The following TENM4 variants were observed in gnomAD, a reference collection of about 807,000 sequenced individuals.
TENM4 encodes teneurin-4.
A neutral mutation model predicts 243.3 loss-of-function variants in TENM4; 82 were observed. That is an observed-to-expected ratio of 0.34 (90% confidence interval 0.28 to 0.40). TENM4 has a LOEUF of 0.40. Among genes scored for constraint, TENM4 ranks in the 10% least tolerant of loss-of-function variants. The probability of loss-of-function intolerance (pLI) is 1.00; values close to 1 mark genes in which losing one functional copy is unlikely to be tolerated. For synonymous variants in TENM4, 1,412 were observed against 1,456.3 expected (o/e 0.97, Z 0.69); for missense variants, 3,138 against 3,673.3 (o/e 0.85, Z 3.77).
At chr11:79,327,143 G>T (rs1396519449) in intron 1 of TENM4, among the ~76,000 whole-genome samples, 1 of 152,192 alleles carries the variant, frequency 6.6e-6, no homozygotes, top group Non-Finnish European at 1.5e-5. Flanking sequence ...GTAAAGTGAG[G>T]TTATATAAGT....
chr11:79,207,604 C>T (rs1292381475), intron 3 of TENM4, among the ~76,000 whole-genome samples: 1 of 152,036 alleles, frequency 6.6e-6, no homozygotes, highest in Non-Finnish European at 1.5e-5. Flanking sequence ...GTGGCTCACA[C>T]CTGTAATCCC....
chr11:79,395,561 C>T (rs1858326037), intron 1 of TENM4, among the ~76,000 whole-genome samples: 2 of 152,194 alleles, frequency 1.3e-5, no homozygotes, highest in Admixed American at 1.3e-4. Context: ...TTGTTGTTGA[C>T]AAATTCGCCC....
chr11:79,409,060 TTGTGTGTGTGTGTGTGTGTGTG>T (rs559211499), intron 1 of TENM4, among the ~76,000 whole-genome samples: 1 of 141,984 alleles, frequency 7.0e-6, no homozygotes, highest in Non-Finnish European at 1.5e-5. Flanking sequence ...GAGGGATATT[TTGTGTGTGTGTGTGTGTGTGTG>T]TGTGTGTGTG....
chr11:79,160,012 C>T (rs539408193), intron 3 of TENM4, among the ~76,000 whole-genome samples: 33 of 152,206 alleles, frequency 2.2e-4, no homozygotes, highest in African/African-American at 7.7e-4. Context: ...TTCATTTATT[C>T]ATTCATTAAG....
intron 7 of TENM4, among the ~76,000 whole-genome samples, chr11:78,899,547 T>C (rs1855877322): frequency 9.4e-6 from 1 of 106,324 alleles, no homozygotes; most frequent in African/African-American, 3.8e-5. Context: ...CACTGCACTC[T>C]GTCTCAAAAA....
At chr11:79,208,924 A>C (rs1294149698) in intron 3 of TENM4, among the ~76,000 whole-genome samples, 1 of 152,186 alleles carries the variant, frequency 6.6e-6, no homozygotes, top group South Asian at 2.1e-4. Context: ...TCAGCGGGTA[A>C]GTCAAGGCAG....
intron 6 of TENM4, among the ~76,000 whole-genome samples, chr11:79,051,448 C>T (rs59585207): frequency 0.019 from 2,932 of 152,282 alleles, 100 homozygotes; most frequent in African/African-American, 0.064. Flanking sequence ...TAGTCTGATA[C>T]ATCAACACCT....
chr11:79,126,577 T>C (rs761036372), intron 4 of TENM4, among the ~76,000 whole-genome samples: 1 of 142,056 alleles, frequency 7.0e-6, no homozygotes, highest in African/African-American at 2.6e-5. Flanking sequence ...TAATTTATCA[T>C]GGTGTTACTA....
chr11:78,656,942 C>T lies in TENM4; in HGVS notation c.*1116G>A, dbSNP rs1445840437. The T allele has an allele frequency of 5.0e-6, 2 of 397,934 alleles. No homozygotes were observed. The highest frequency in any genetic ancestry group is 8.8e-6 in the Non-Finnish European group (2 of 226,042). The allele number at this position is 397,934 out of a possible 1,614,324, so 24.7% of individuals were successfully genotyped here. A position where few individuals can be genotyped will look rare whatever the true frequency, so the allele number is the denominator to read the frequency against. ...CTGGCTTTTTTTGTTAAGCATTTTT[C>T]CAGAATCAAAGGCCACCAAGCACCT... On this transcript the variant is annotated 3_prime_UTR_variant, in exon 34 of 34. Transcript: ENST00000278550.
At chr11:79,037,015 C>CAAAAA (rs369421583) in intron 6 of TENM4, among the ~76,000 whole-genome samples, 26 of 91,130 alleles carry the variant, frequency 2.9e-4, no homozygotes, top group East Asian at 1.3e-3. Flanking sequence ...GACTCCATCT[C>CAAAAA]AAAAAAAAAA....
In TENM4 at chr11:78,653,968, G is replaced by A. The variant is rs1215019313; in HGVS notation, c.*4090C>T. 6.6e-6 allele frequency: 1 copy of A among 152,232 alleles called. No homozygotes were observed. The highest frequency in any genetic ancestry group is 1.9e-4 in the East Asian group (1 of 5,194). The allele number at this position is 152,232 out of a possible 1,614,324, so 9.4% of individuals were successfully genotyped here. On this transcript the variant is annotated 3_prime_UTR_variant, in exon 34 of 34. Coordinates refer to ENST00000278550, the MANE Select transcript of TENM4 (RefSeq NM_001098816.3). ...GGTTTCTCTCTATCACCTCAGCAATGAGTCTTTAAAATGAGTTTGCTGTTT... is the reference window on the plus strand; with the variant it reads ...GGTTTCTCTCTATCACCTCAGCAATAAGTCTTTAAAATGAGTTTGCTGTTT...
chr11:78,764,336 C>T (rs923980445), intron 18 of TENM4, among the ~76,000 whole-genome samples: 8 of 152,236 alleles, frequency 5.3e-5, no homozygotes, highest in African/African-American at 1.9e-4. Context: ...TCTTTCTGTA[C>T]ATCGAGCTGT....
chr11:79,184,644 A>C (rs143784630), intron 3 of TENM4, among the ~76,000 whole-genome samples: 1 of 152,286 alleles, frequency 6.6e-6, no homozygotes, highest in East Asian at 1.9e-4. Context: ...GTATGATTCC[A>C]CTTATGTGAG....
intron 4 of TENM4, among the ~76,000 whole-genome samples, chr11:79,127,455 G>A (rs1861904267): frequency 7.3e-6 from 1 of 136,230 alleles, no homozygotes; most frequent in Non-Finnish European, 1.7e-5. Flanking sequence ...TTTGTTGCTT[G>A]AGTAAATTCA....
chr11:78,867,351 C>T (rs1376868856), intron 9 of TENM4, among the ~76,000 whole-genome samples: 1 of 152,120 alleles, frequency 6.6e-6, no homozygotes, highest in Non-Finnish European at 1.5e-5. Flanking sequence ...AGTGAGAATA[C>T]AGCAAAGTCA....
intron 32 of TENM4, 92 bp from the exon 33 acceptor site, chr11:78,661,683 G>T: frequency 6.7e-7 from 1 of 1,488,782 alleles, no homozygotes; most frequent in Non-Finnish European, 9.1e-7. Context: ...TAGCTGCAGG[G>T]TGTGGTGAGG....
chr11:78,817,785 T>C (rs1276339968), intron 12 of TENM4, among the ~76,000 whole-genome samples: 4 of 152,244 alleles, frequency 2.6e-5, no homozygotes, highest in Non-Finnish European at 4.4e-5. Context: ...GTTGTCCTGC[T>C]ACTGAGTGGT....
chr11:79,138,582 A>T (rs1172840917), intron 4 of TENM4, among the ~76,000 whole-genome samples: 3 of 71,968 alleles, frequency 4.2e-5, no homozygotes, highest in African/African-American at 1.5e-4. Context: ...ATATTTATAT[A>T]AATACATAAA....
intron 30 of TENM4, among the ~76,000 whole-genome samples, chr11:78,673,866 G>C (rs1245754411): frequency 6.6e-6 from 1 of 152,190 alleles, no homozygotes; most frequent in African/African-American, 2.4e-5. Context: ...GAATGACCTG[G>C]TTATAATAAG....
Sources: allele counts gnomAD v4.1 joint callset (sites outside exome capture counted in the v4.1 genomes callset), GRCh38; gene constraint gnomAD v4.1.1; transcripts MANE v1.5; gene names NCBI Gene and HGNC (gene_info 2026-07-23, HGNC 2026-07-21).